The following CCM2L variants were observed in gnomAD, a reference collection of about 807,000 sequenced individuals.
CCM2L encodes the protein cerebral cavernous malformations 2 protein-like.
In CCM2L, 36 loss-of-function variants were observed where a neutral mutation model predicts 54.1. The ratio of observed to expected loss-of-function variants is 0.67; its 90% confidence interval spans 0.51 to 0.88. The LOEUF is 0.88. CCM2L is among the 40% of genes least tolerant of loss of function. The pLI, the probability that CCM2L is intolerant of heterozygous loss-of-function variation, is 0.00. For missense variants in CCM2L, 700 were observed against 812.1 expected, an observed-to-expected ratio of 0.86 and a Z score of 1.68; for synonymous variants, 351 against 359.3, an observed-to-expected ratio of 0.98 and a Z score of 0.26.
chr20:32,013,088 C>A (rs2122310844), intron 1 of CCM2L, among the ~76,000 whole-genome samples: 1 of 152,284 alleles, frequency 6.6e-6, no homozygotes, highest in South Asian at 2.1e-4. Context: ...CATTTGAGCT[C>A]AGGAGTTCAA....
rs761438896 is a variant in CCM2L at position 32,019,301 on chromosome 20, C to T, written c.825C>T (p.Gly275=). The T allele has an allele frequency of 1.2e-4, 155 of 1,292,536 alleles. No individual in the cohort carries two copies. Among genetic ancestry groups the T allele is most frequent in the Non-Finnish European group, 2.8e-5 (29 of 1,020,808 alleles). The allele number at this position is 1,292,536 out of a possible 1,614,324, so 80.1% of individuals were successfully genotyped here. ...GGGAGCGGAGGCAGGCGGGCAGCGG[C>T]GGGGGAGGCAGCTGGGAGCGGCGCC... is the stretch of plus-strand genomic sequence containing the variant. ...GSWERRQAGS[G]GGGSWERRHP... is the part of the protein sequence containing the mutation. The change falls in exon 5 of 10, where the codon GGC becomes GGT. Residue 275 remains glycine (G), a synonymous_variant. Transcript: ENST00000452892.
rs1315692886 is a variant in CCM2L at position 32,015,040 on chromosome 20, T to C, written c.167T>C (p.Leu56Pro). ...PPDYLIDPQI[L>P]LCDYLEKEVK... ...GACTACCTCATCGACCCCCAGATTC[T>C]GCTGTGTGACTACCTGGAGAAAGAG... Residue 56 changes from leucine (L) to proline (P), a missense_variant, in exon 2 of 10, where the codon CTG (leucine) becomes CCG (proline). Transcript: ENST00000452892. 1 of 1,536,698 alleles carries C rather than the reference T, an allele frequency of 6.5e-7. No homozygotes were observed.
chr20:32,018,887 C>CGG, intron 4 of CCM2L, 56 bp from the exon 5 acceptor site: 5 of 1,246,186 alleles, frequency 4.0e-6, no homozygotes, highest in Non-Finnish European at 5.0e-6. Flanking sequence ...CTCGGCGGGG[C>CGG]GGGGGGGTCT....
intron 5 of CCM2L, among the ~76,000 whole-genome samples, chr20:32,020,495 G>A (rs772982095): frequency 1.1e-4 from 17 of 151,994 alleles, no homozygotes; most frequent in Non-Finnish European, 4.4e-5. Context: ...AAGATCTAAC[G>A]ACTGTTTCAA....
At chr20:32,013,691 C>T (rs892668767) in intron 1 of CCM2L, among the ~76,000 whole-genome samples, 1 of 152,106 alleles carries the variant, frequency 6.6e-6, no homozygotes, top group Non-Finnish European at 1.5e-5. Context: ...CTCCAGCTCT[C>T]CTCCTGCCTC....
At chr20:32,015,313 A>G (rs1314935659) in intron 2 of CCM2L, among the ~76,000 whole-genome samples, 3 of 152,174 alleles carry the variant, frequency 2.0e-5, no homozygotes, top group Non-Finnish European at 2.9e-5. Context: ...AGTGGATGGG[A>G]GAGTGTTCTG....
chr20:32,025,823 G>A, intron 6 of CCM2L, 33 bp from the exon 7 acceptor site: 1 of 1,299,006 alleles, frequency 7.7e-7, no homozygotes, highest in Non-Finnish European at 1.0e-6. Context: ...CTGCTTTGCT[G>A]CCTCTGACAG....
In CCM2L at chr20:32,019,130, A is replaced by AGGCGGC. The variant is rs1337338828; in HGVS notation, c.661_666dup (p.Gly221_Gly222dup). ...GCGCCGCGGAGGCCCGGGCCGGGGGAGGCGGCGGCGGCAGCTTGGAGCGCC... is the reference window on the plus strand; with the variant it reads ...GCGCCGCGGAGGCCCGGGCCGGGGGAGGCGGCGGCGGCGGCGGCAGCTTGGAGCGCC... On this transcript the variant is annotated inframe_insertion, in exon 5 of 10. Transcript: ENST00000452892. 8.7e-7 allele frequency: 1 copy of AGGCGGC among 1,144,520 alleles called. No homozygotes were observed. Among genetic ancestry groups the AGGCGGC allele is most frequent in the South Asian group, 4.3e-5 (1 of 23,508 alleles). The allele number at this position is 1,144,520 out of a possible 1,614,324, so 70.9% of individuals were successfully genotyped here.
rs1031125678 is a variant in CCM2L, at chr20:32,031,115, G to A, written c.1517G>A (p.Ser506Asn). Residue 506 changes from serine (S) to asparagine (N), a missense_variant, in exon 10 of 10, where the codon AGC (serine) becomes AAC (asparagine). Ser to Asn is a conservative substitution (Grantham distance 46). Transcript: ENST00000452892. The stretch of plus-strand genomic sequence containing the variant: ...GACAGCTTCGGCCGCATCAAGCGCA[G>A]CATGAGCTCCACGTCGGCCTCCGCA... ...LTDSFGRIKR[S>N]MSSTSASAVR... 2 of 1,304,114 alleles carry A rather than the reference G, an allele frequency of 1.5e-6. No individual in the cohort carries two copies. Among genetic ancestry groups the A allele is most frequent in the Non-Finnish European group, 2.0e-6 (2 of 988,966 alleles). The allele number at this position is 1,304,114 out of a possible 1,614,324, so 80.8% of individuals were successfully genotyped here. A position where few individuals can be genotyped will look rare whatever the true frequency, so the allele number is the denominator to read the frequency against.
At chr20:32,025,948 C>T in intron 7 of CCM2L, 29 bp downstream of exon 7, 1 of 1,299,188 alleles carries the variant, frequency 7.7e-7, no homozygotes, top group Non-Finnish European at 1.0e-6. Context: ...AGGGACTCCA[C>T]CCTGCTCCCC....
rs1355048407 is a variant in CCM2L, at chr20:32,016,500, C to CA, written c.199-1294dup. Among the ~76,000 whole-genome samples, 3 of 151,862 alleles carry CA rather than the reference C, an allele frequency of 2.0e-5. No individual in the cohort carries two copies. The East Asian group carries it at 5.9e-4, about 30-fold the overall frequency. ...GTGAAACCCGTCTCTACTAAAAATA[C>CA]AAAAAATTAGCTGGGTGTGGTGGTG... On this transcript the variant is annotated intron_variant, in intron 2 of 9. Transcript: ENST00000452892.
rs1313249412 is a variant in CCM2L at position 32,010,444 on chromosome 20, G to T, written c.-11G>T. The T allele has an allele frequency of 5.8e-6, 9 of 1,544,484 alleles. No homozygotes were observed. The Admixed American group carries it at 1.8e-4, about 31-fold the overall frequency. ...CCAGGAGGGTGGCAGGAGTAGAGGG[G>T]ACATTTCACCATGGAATATGAAGTC... On this transcript the variant is annotated 5_prime_UTR_variant, in exon 1 of 10. Transcript: ENST00000452892.
intron 6 of CCM2L, among the ~76,000 whole-genome samples, chr20:32,024,542 A>G (rs2064836080): frequency 6.6e-6 from 1 of 152,050 alleles, no homozygotes; most frequent in Non-Finnish European, 1.5e-5. Context: ...ATACACAACC[A>G]CAGGTTGGGC....
chr20:32,012,095 T>C (rs1368242341), intron 1 of CCM2L, among the ~76,000 whole-genome samples: 1 of 152,008 alleles, frequency 6.6e-6, no homozygotes, highest in African/African-American at 2.4e-5. Context: ...TTCTCCCAGA[T>C]AGTTTCTTCT....
chr20:32,016,571 G>A (rs1006513569), intron 2 of CCM2L, among the ~76,000 whole-genome samples: 2 of 151,870 alleles, frequency 1.3e-5, no homozygotes, highest in South Asian at 2.1e-4. Context: ...CAGGACAATC[G>A]CTTGAACCTG....
At chr20:32,022,415 TCCTCC>T (rs2064813125) in intron 5 of CCM2L, among the ~76,000 whole-genome samples, 2 of 152,158 alleles carry the variant, frequency 1.3e-5, no homozygotes, top group South Asian at 4.1e-4. Context: ...GGCTGATGAA[TCCTCC>T]ACAAATCTGG....
chr20:32,025,257 CTTTTCT>C (rs905500007), intron 6 of CCM2L, among the ~76,000 whole-genome samples: 2 of 92,958 alleles, frequency 2.2e-5, no homozygotes, highest in African/African-American at 8.2e-5. Context: ...TTTTTCTTTT[CTTTTCT>C]TTTTCTTTTC....
At chr20:32,010,815 C>T (rs897636873) in intron 1 of CCM2L, among the ~76,000 whole-genome samples, 4 of 152,274 alleles carry the variant, frequency 2.6e-5, no homozygotes, top group East Asian at 1.9e-4. Context: ...CTCAGACAGA[C>T]GGACAGACAG....
At chr20:32,026,914 G>A (rs576258238) in intron 7 of CCM2L, among the ~76,000 whole-genome samples, 1 of 151,812 alleles carries the variant, frequency 6.6e-6, no homozygotes, top group African/African-American at 2.4e-5. Flanking sequence ...CAGTCATGGT[G>A]GCTCACGCCT....
Sources: allele counts gnomAD v4.1 joint callset (sites outside exome capture counted in the v4.1 genomes callset), GRCh38; gene constraint gnomAD v4.1.1; transcripts MANE v1.5; gene names NCBI Gene and HGNC (gene_info 2026-07-23, HGNC 2026-07-21).